Variants in PKDREJ observed in about 807,000 individuals in gnomAD.
The protein encoded by PKDREJ is PKD and REJ homolog.
For synonymous variants in PKDREJ, 1,031 were observed against 1,095.5 expected, an observed-to-expected ratio of 0.94 and a Z score of 1.16; for missense variants, 2,507 against 2,807.2, an observed-to-expected ratio of 0.89 and a Z score of 2.42.
rs767468746 is a variant in PKDREJ, at chr22:46,259,875, T to C, written c.3448A>G (p.Thr1150Ala). 2.5e-6 allele frequency: 4 copies of C among 1,613,530 alleles called. No homozygotes were observed. Among genetic ancestry groups the C allele is most frequent in the Non-Finnish European group, 3.4e-6 (4 of 1,180,036 alleles). ...TAGTGGGTATGCAGGTGAATGCCCG[T>C]GAGTCCGATTGTGCCCAGCTGCCGC... Reference protein sequence around the residue: ...ARRQLGTIGLTGIHLHTHYVM... With the variant: ...ARRQLGTIGLAGIHLHTHYVM... The change falls in exon 1 of 1, where the codon ACG becomes GCG. Residue 1150 changes from threonine to alanine, a missense_variant. Coordinates refer to ENST00000253255, the MANE Select transcript of PKDREJ (RefSeq NM_006071.2). The surrounding 1 kb of genome is among the most constrained non-coding windows in gnomAD (Gnocchi z 6.8).
At position 46,258,596 on chromosome 22, in the gene PKDREJ, C is replaced by T; in HGVS notation, c.4727G>A (p.Cys1576Tyr). Reference sequence around the variant, plus strand: ...AACCAAAAACCATGCAACATAAACACACCACCAAGGTAGGACGATCCGGGG... The same window carrying T: ...AACCAAAAACCATGCAACATAAACATACCACCAAGGTAGGACGATCCGGGG... ...KKPRIVLPWW[C>Y]VYVAWFLVFA... Residue 1576 changes from cysteine (C) to tyrosine (Y), a missense_variant, in exon 1 of 1, where the codon TGT (cysteine) becomes TAT (tyrosine). Cys to Tyr is a radical substitution (Grantham distance 194). Transcript: ENST00000253255. The surrounding 1 kb of genome is among the most constrained non-coding windows in gnomAD (Gnocchi z 6.1). The T allele has an allele frequency of 6.2e-7, 1 of 1,614,222 alleles. No individual in the cohort carries two copies. The highest frequency in any genetic ancestry group is 8.5e-7 in the Non-Finnish European group (1 of 1,180,028).
Position 46,261,570 on chromosome 22 carries a change from T to C in PKDREJ, c.1753A>G (p.Ser585Gly). 2.5e-6 allele frequency: 4 copies of C among 1,614,082 alleles called. No individual in the cohort carries two copies. In the South Asian group the frequency reaches 4.4e-5, roughly 18 times the overall value. ...GGGACGTGCTTATCCCTAAAATTAC[T>C]ACACTGGACAACAAATTTAGTAATA... ...ALITKFVVQC[S>G]NFRDKHVPLT... The change falls in exon 1 of 1, where the codon AGT becomes GGT. Residue 585 changes from serine (S) to glycine (G), a missense_variant. Ser to Gly is a moderately conservative substitution (Grantham distance 56). Coordinates refer to ENST00000253255, the MANE Select transcript of PKDREJ (RefSeq NM_006071.2). The surrounding 1 kb of genome is among the most constrained non-coding windows in gnomAD (Gnocchi z 7.1).
chr22:46,256,431 T>G lies in PKDREJ; in HGVS notation c.*130A>C. On this transcript the variant is annotated 3_prime_UTR_variant, in exon 1 of 1. Transcript: ENST00000253255. This position sits in a 1 kb window ranked among gnomAD's most constrained non-coding sequence, Gnocchi z 5.3. ...ACAAGATTGGGGATTCTTCCAAATGTAGGGGATGTGCCTTGTGAAGGACAT... is the reference window on the plus strand; with the variant it reads ...ACAAGATTGGGGATTCTTCCAAATGGAGGGGATGTGCCTTGTGAAGGACAT... 6.9e-7 allele frequency: 1 copy of G among 1,451,744 alleles called. No homozygotes were observed. The highest frequency in any genetic ancestry group is 9.2e-7 in the Non-Finnish European group (1 of 1,090,174). 89.9% of individuals were successfully genotyped at this position (1,451,744 alleles called of 1,614,324 possible). A position where few individuals can be genotyped will look rare whatever the true frequency, so the allele number is the denominator to read the frequency against.
At position 46,257,392 on chromosome 22, in the gene PKDREJ, G is replaced by A; in HGVS notation, c.5931C>T (p.Ala1977=). The A allele has an allele frequency of 1.2e-6, 2 of 1,613,952 alleles. No homozygotes were observed. The highest frequency in any genetic ancestry group is 1.7e-5 in the Admixed American group (1 of 60,004). The change falls in exon 1 of 1, where the codon GCC becomes GCT. Residue 1977 remains alanine, a synonymous_variant. Transcript: ENST00000253255. The surrounding 1 kb of genome is among the most constrained non-coding windows in gnomAD (Gnocchi z 4.7). The part of the protein sequence containing the change: ...LYVAILIFFL[A]YVVDEGCIIM... ...TGATACAACCCTCATCAACAACGTA[G>A]GCTAAGAAAAAAATGAGAATGGCCA...
At position 46,258,911 on chromosome 22, in the gene PKDREJ, G is replaced by C. The variant is rs760490619; in HGVS notation, c.4412C>G (p.Ser1471Ter). The C allele has an allele frequency of 6.2e-7, 1 of 1,614,180 alleles. No homozygotes were observed. ...TTCTTCCCAGTGCTCACTTGCTTCT[G>C]ACATTAGAGGATGCTTTTGAGGAGA... ...EVSPQKHPLM[S>*]EASEHWEEYL... Residue 1471 changes from serine to a stop codon, truncating the protein, a stop_gained, in exon 1 of 1, where the codon TCA becomes TGA. Transcript: ENST00000253255. LOFTEE classifies it low-confidence loss of function (END_TRUNC). This position sits in a 1 kb window ranked among gnomAD's most constrained non-coding sequence, Gnocchi z 6.1.
chr22:46,260,015 T>C lies in PKDREJ; in HGVS notation c.3308A>G (p.Gln1103Arg). Residue 1103 changes from glutamine to arginine, a missense_variant, in exon 1 of 1, where the codon CAG becomes CGG. Gln to Arg is a conservative substitution (Grantham distance 43). Coordinates refer to ENST00000253255, the MANE Select transcript of PKDREJ (RefSeq NM_006071.2). The surrounding 1 kb of genome is among the most constrained non-coding windows in gnomAD (Gnocchi z 4.5). ...CTGGATCCCATACATGTCCAAGCACTGGACGCTGAAAATAGAAATTCTCAC... is the reference window on the plus strand; with the variant it reads ...CTGGATCCCATACATGTCCAAGCACCGGACGCTGAAAATAGAAATTCTCAC... ...KLVRISIFSV[Q>R]CLDMYGIQSE... 6.2e-7 allele frequency: 1 copy of C among 1,614,182 alleles called. No individual in the cohort carries two copies. Among genetic ancestry groups the C allele is most frequent in the Non-Finnish European group, 8.5e-7 (1 of 1,180,034 alleles).
chr22:46,257,740 T>C lies in PKDREJ; in HGVS notation c.5583A>G (p.Gln1861=), dbSNP rs370718194. The change falls in exon 1 of 1, where the codon CAA becomes CAG. Residue 1861 remains glutamine (Q), a synonymous_variant. Transcript: ENST00000253255. The surrounding 1 kb of genome is among the most constrained non-coding windows in gnomAD (Gnocchi z 4.7). ...AGGAATAATATAGCCATTGCGTTCC[T>C]TGAGGCTTATAAGTAAATCCATTGG... The part of the protein sequence containing the change: ...ESTNGFTYKP[Q]GTQWLYYSYG... The C allele has an allele frequency of 2.5e-6, 4 of 1,614,132 alleles. No homozygotes were observed. Among genetic ancestry groups the C allele is most frequent in the Non-Finnish European group, 2.5e-6 (3 of 1,179,954 alleles).
At position 46,260,804 on chromosome 22, in the gene PKDREJ, G is replaced by C. The variant is rs1394278747; in HGVS notation, c.2519C>G (p.Thr840Arg). 2 of 1,613,948 alleles carry C rather than the reference G, an allele frequency of 1.2e-6. No homozygotes were observed. The highest frequency in any genetic ancestry group is 3.3e-5 in the Admixed American group (2 of 60,010). The change falls in exon 1 of 1, where the codon ACA becomes AGA. Residue 840 changes from threonine to arginine, a missense_variant. Physicochemically the swap from Thr to Arg is moderately conservative, Grantham distance 71. Transcript: ENST00000253255. This position sits in a 1 kb window ranked among gnomAD's most constrained non-coding sequence, Gnocchi z 4.5. ...PFYVIESLSD[T>R]ILANKVPGNK... is the part of the protein sequence containing the mutation. The stretch of plus-strand genomic sequence containing the variant: ...CCCTGGCACTTTATTAGCCAGTATT[G>C]TGTCTGATAGAGATTCTATTACATA...
At position 46,261,670 on chromosome 22, in the gene PKDREJ, G is replaced by A. The variant is rs1234200391; in HGVS notation, c.1653C>T (p.Phe551=). The A allele has an allele frequency of 6.2e-7, 1 of 1,613,976 alleles. No homozygotes were observed. The highest frequency in any genetic ancestry group is 1.7e-5 in the Admixed American group (1 of 60,002). The change falls in exon 1 of 1, where the codon TTC becomes TTT. Residue 551 remains phenylalanine, a synonymous_variant. Transcript: ENST00000253255. The surrounding 1 kb of genome is among the most constrained non-coding windows in gnomAD (Gnocchi z 7.1). ...CATGGTTAATAATAAAAGAATGCCT[G>A]AAGACCGAGGTCACTCCACTCCAAC... ...LACWSGVTSV[F]RHSFIINHGP... is the part of the protein sequence containing the mutation.
In PKDREJ at chr22:46,263,026, G is replaced by A; in HGVS notation, c.297C>T (p.Ala99=). ...YCLDLRVLLS[A]QRLPWPAAPA... is the part of the protein sequence containing the mutation. The stretch of plus-strand genomic sequence containing the variant: ...GCGCGGCCGGCCAGGGCAGGCGTTG[G>A]GCGCTGAGCAGGACGCGCAAGTCGA... The change falls in exon 1 of 1, where the codon GCC becomes GCT. Residue 99 remains alanine (A), a synonymous_variant. Transcript: ENST00000253255. This position sits in a 1 kb window ranked among gnomAD's most constrained non-coding sequence, Gnocchi z 9.4. 1.5e-6 allele frequency: 2 copies of A among 1,307,988 alleles called. No individual in the cohort carries two copies. The highest frequency in any genetic ancestry group is 2.0e-6 in the Non-Finnish European group (2 of 1,018,690). The allele number at this position is 1,307,988 out of a possible 1,614,324, so 81.0% of individuals were successfully genotyped here. A position where few individuals can be genotyped will look rare whatever the true frequency, so the allele number is the denominator to read the frequency against.
Position 46,258,152 on chromosome 22 carries a change from A to G in PKDREJ, c.5171T>C (p.Leu1724Pro). ...ILTHFIFLALLLILIVLLRHT... is the reference protein window; with the variant it reads ...ILTHFIFLALPLILIVLLRHT... ...ACGTAGTAAGACGATAAGGATCAAC[A>G]GAAGGGCTAGAAAGATAAAGTGAGT... Residue 1724 changes from leucine (L) to proline (P), a missense_variant, in exon 1 of 1, where the codon CTG becomes CCG. Leu to Pro is a moderately conservative substitution (Grantham distance 98). Coordinates refer to ENST00000253255, the MANE Select transcript of PKDREJ (RefSeq NM_006071.2). The surrounding 1 kb of genome is among the most constrained non-coding windows in gnomAD (Gnocchi z 6.1). 1.2e-6 allele frequency: 2 copies of G among 1,614,178 alleles called. No homozygotes were observed. The highest frequency in any genetic ancestry group is 2.2e-5 in the East Asian group (1 of 44,888).
chr22:46,257,684 C>A lies in PKDREJ; in HGVS notation c.5639G>T (p.Gly1880Val). ...YGLLHTYGSG[G>V]YALYFFPEQQ... Reference sequence around the variant, plus strand: ...TTCTGGAAAAAAATAGAGTGCATATCCTCCAGATCCATAGGTGTGTAGTAG... The same window carrying A: ...TTCTGGAAAAAAATAGAGTGCATATACTCCAGATCCATAGGTGTGTAGTAG... Residue 1880 changes from glycine (G) to valine (V), a missense_variant, in exon 1 of 1, where the codon GGA (glycine) becomes GTA (valine). Transcript: ENST00000253255. This position sits in a 1 kb window ranked among gnomAD's most constrained non-coding sequence, Gnocchi z 4.7. 4 of 1,614,148 alleles carry A rather than the reference C, an allele frequency of 2.5e-6. No individual in the cohort carries two copies. The highest frequency in any genetic ancestry group is 3.4e-6 in the Non-Finnish European group (4 of 1,179,998).
chr22:46,263,171 C>T lies in PKDREJ; in HGVS notation c.152G>A (p.Arg51His), dbSNP rs2147777642. ...CAGACTGAGGAGGGCGCGGCCGCCG[C>T]GCACCCCGAGGCCCGGGGCGCCCCT... is the stretch of plus-strand genomic sequence containing the variant. ...LLRGAPGLGV[R>H]GGRALLSLRP... Residue 51 changes from arginine to histidine, a missense_variant, in exon 1 of 1, where the codon CGC (arginine) becomes CAC (histidine). Physicochemically the swap from Arg to His is conservative, Grantham distance 29 (BLOSUM62 0). Transcript: ENST00000253255. The surrounding 1 kb of genome is among the most constrained non-coding windows in gnomAD (Gnocchi z 9.4). 6 of 1,262,914 alleles carry T rather than the reference C, an allele frequency of 4.8e-6. 1 individual carries two copies. Among genetic ancestry groups the T allele is most frequent in the Non-Finnish European group, 6.0e-6 (6 of 1,007,984 alleles). The allele number at this position is 1,262,914 out of a possible 1,614,324, so 78.2% of individuals were successfully genotyped here.
chr22:46,262,948 G>C lies in PKDREJ; in HGVS notation c.375C>G (p.Ser125=). Residue 125 remains serine (S), a synonymous_variant, in exon 1 of 1, where the codon TCC becomes TCG. Transcript: ENST00000253255. The surrounding 1 kb of genome is among the most constrained non-coding windows in gnomAD (Gnocchi z 8.1). ...GCGGCAGCCGCACGGACCACGTCAG[G>C]GAGAGGCGGCCGCCGCGCGCGGAGA... ...LQLSARGGRL[S]LTWSVRLPRS... is the part of the protein sequence containing the mutation. 2 of 1,132,622 alleles carry C rather than the reference G, an allele frequency of 1.8e-6. No individual in the cohort carries two copies. The highest frequency in any genetic ancestry group is 2.2e-6 in the Non-Finnish European group (2 of 927,788). 70.2% of individuals were successfully genotyped at this position (1,132,622 alleles called of 1,614,324 possible).
rs1330340939 is a variant in PKDREJ at position 46,262,432 on chromosome 22, C to G, written c.891G>C (p.Ser297=). 3.1e-6 allele frequency: 5 copies of G among 1,609,828 alleles called. No homozygotes were observed. The highest frequency in any genetic ancestry group is 4.2e-6 in the Non-Finnish European group (5 of 1,177,370). ...SPLFIHIPNN[S]LQWGVYVFNF... is the part of the protein sequence containing the mutation. ...TAAACACATACACTCCCCACTGTAA[C>G]GAATTATTGGGGATGTGAATGAACA... Residue 297 remains serine (S), a synonymous_variant, in exon 1 of 1, where the codon TCG becomes TCC. Transcript: ENST00000253255. The surrounding 1 kb of genome is among the most constrained non-coding windows in gnomAD (Gnocchi z 8.1).
rs150072664 is a variant in PKDREJ at position 46,259,756 on chromosome 22, A to G, written c.3567T>C (p.Thr1189=). The part of the protein sequence containing the change: ...SLHQNPVTLF[T]VLFIILLYVG... The stretch of plus-strand genomic sequence containing the variant: ...CGTATAAGAGAATAATGAAAAGCAC[A>G]GTGAAGAGGGTCACGGGGTTTTGGT... The change falls in exon 1 of 1, where the codon ACT becomes ACC. Residue 1189 remains threonine (T), a synonymous_variant. Coordinates refer to ENST00000253255, the MANE Select transcript of PKDREJ (RefSeq NM_006071.2). The surrounding 1 kb of genome is among the most constrained non-coding windows in gnomAD (Gnocchi z 6.8). 1.4e-4 allele frequency: 222 copies of G among 1,614,220 alleles called. 2 individuals are homozygous for G. In the African/African-American group the frequency reaches 2.6e-3, roughly 19 times the overall value.
Position 46,259,532 on chromosome 22 carries a change from T to C in PKDREJ, c.3791A>G (p.His1264Arg), listed in dbSNP as rs776397345. Residue 1264 changes from histidine (H) to arginine (R), a missense_variant, in exon 1 of 1, where the codon CAT becomes CGT. By Grantham distance (29) the His-to-Arg change is conservative. Transcript: ENST00000253255. The surrounding 1 kb of genome is among the most constrained non-coding windows in gnomAD (Gnocchi z 6.8). ...LRGTVSTSDVHCLSHPHFTTL... is the reference protein window; with the variant it reads ...LRGTVSTSDVRCLSHPHFTTL... ...TGTGAAATGTGGATGGCTTAAACAA[T>C]GCACGTCGCTGGTACTCACAGTTCC... 6 of 1,614,084 alleles carry C rather than the reference T, an allele frequency of 3.7e-6. No homozygotes were observed. The highest frequency in any genetic ancestry group is 5.1e-6 in the Non-Finnish European group (6 of 1,180,046).
In PKDREJ at chr22:46,257,301, T is replaced by C. The variant is rs757359925; in HGVS notation, c.6022A>G (p.Ile2008Val). 42 of 1,613,982 alleles carry C rather than the reference T, an allele frequency of 2.6e-5. No homozygotes were observed. The highest frequency in any genetic ancestry group is 6.7e-5 in the East Asian group (3 of 44,904). ...YNLLNFALKCIFTVLIVLFLR... is the reference protein window; with the variant it reads ...YNLLNFALKCVFTVLIVLFLR... Reference sequence around the variant, plus strand: ...AAGAGCACAATCAACACAGTAAATATGCACTTTAAAGCAAAGTTGAGCAAA... The same window carrying C: ...AAGAGCACAATCAACACAGTAAATACGCACTTTAAAGCAAAGTTGAGCAAA... Residue 2008 changes from isoleucine to valine, a missense_variant, in exon 1 of 1, where the codon ATA (isoleucine) becomes GTA (valine). Transcript: ENST00000253255. The surrounding 1 kb of genome is among the most constrained non-coding windows in gnomAD (Gnocchi z 4.7).
rs768362194 is a variant in PKDREJ, at chr22:46,256,626, G to A, written c.6697C>T (p.His2233Tyr). The A allele has an allele frequency of 1.2e-6, 2 of 1,614,124 alleles. No individual in the cohort carries two copies. Among genetic ancestry groups the A allele is most frequent in the East Asian group, 2.2e-5 (1 of 44,892 alleles). ...CTGGTCTTCAGCCCCAGATAACGGT[G>A]GCTGTTCTTCTCTGGCTGCCCATAC... ...MLYGQPEKNS[H>Y]RYLGLKTRNI... Residue 2233 changes from histidine to tyrosine, a missense_variant, in exon 1 of 1, where the codon CAC becomes TAC. Transcript: ENST00000253255. The surrounding 1 kb of genome is among the most constrained non-coding windows in gnomAD (Gnocchi z 5.3).
Sources: gnomAD v4.1 joint callset for allele counts on GRCh38, gnomAD v4.1.1 for gene constraint, Gnocchi (gnomAD v3.1) non-coding constraint, MANE v1.5 for transcripts, NCBI Gene and HGNC (gene_info 2026-07-23, HGNC 2026-07-21) for gene names.